The following DPP6 variants were observed in gnomAD, a reference collection of about 807,000 sequenced individuals.
DPP6 encodes dipeptidyl peptidase like 6.
In DPP6, 69 loss-of-function variants were observed where a neutral mutation model predicts 122.6. The observed-to-expected ratio is 0.56, with a 90% CI of 0.46 to 0.69. The LOEUF is 0.69. Among genes scored for constraint, DPP6 ranks in the 30% least tolerant of loss-of-function variants. DPP6 has a pLI of 0.00. For missense variants in DPP6, 928 were observed against 1,116.9 expected (o/e 0.83, Z 2.41); for synonymous variants, 418 against 433.1 (o/e 0.97, Z 0.43).
chr7:154,186,751 A>G (rs906636327), intron 1 of DPP6, among the ~76,000 whole-genome samples: 1 of 152,250 alleles, frequency 6.6e-6, no homozygotes, highest in African/African-American at 2.4e-5. Flanking sequence ...TAAATGGGTG[A>G]TATAATTACT....
chr7:154,768,931 G>A (rs1391546884), intron 8 of DPP6, among the ~76,000 whole-genome samples: 1 of 152,164 alleles, frequency 6.6e-6, no homozygotes, highest in African/African-American at 2.4e-5. Context: ...CTGTGTGTGC[G>A]TAAATCCCTG....
intron 1 of DPP6, among the ~76,000 whole-genome samples, chr7:153,927,207 GA>G (rs1800942375): frequency 6.6e-6 from 1 of 152,166 alleles, no homozygotes; most frequent in Admixed American, 6.5e-5. Context: ...TAACTACTCA[GA>G]AGGCTGAGGT....
the DPP6 span, among the ~76,000 whole-genome samples, chr7:153,787,954 T>C: frequency 6.6e-6 from 1 of 151,468 alleles, no homozygotes; most frequent in African/African-American, 2.4e-5. Context: ...AGGAGAAATA[T>C]ATTATTCACA....
intron 1 of DPP6, among the ~76,000 whole-genome samples, chr7:154,378,799 C>A (rs2151136876): frequency 6.6e-6 from 1 of 152,342 alleles, no homozygotes; most frequent in Non-Finnish European, 1.5e-5. Flanking sequence ...AACTTACAAT[C>A]AAGGCAGAAG....
chr7:154,161,010 G>A (rs1351423133), intron 1 of DPP6, among the ~76,000 whole-genome samples: 1 of 152,138 alleles, frequency 6.6e-6, no homozygotes, highest in African/African-American at 2.4e-5. Context: ...GCAGTGGCAG[G>A]TCTACTCAGG....
At chr7:154,247,728 G>T (rs950859598) in intron 1 of DPP6, among the ~76,000 whole-genome samples, 1 of 152,040 alleles carries the variant, frequency 6.6e-6, no homozygotes, top group East Asian at 1.9e-4. Context: ...TATAGTGCCC[G>T]ACTGCAGTCT....
At chr7:154,308,845 T>G (rs1806599261) in intron 1 of DPP6, among the ~76,000 whole-genome samples, 1 of 152,194 alleles carries the variant, frequency 6.6e-6, no homozygotes, top group Non-Finnish European at 1.5e-5. Flanking sequence ...AGACGAAAAA[T>G]TAATTCCCTC....
intron 5 of DPP6, among the ~76,000 whole-genome samples, chr7:154,584,496 G>T (rs969488376): frequency 1.3e-5 from 2 of 152,198 alleles, no homozygotes; most frequent in African/African-American, 4.8e-5. Flanking sequence ...ATAGAGCCTC[G>T]AGAAATATCC....
chr7:153,905,795 G>A (rs1372213352), intron 1 of DPP6, among the ~76,000 whole-genome samples: 1 of 152,194 alleles, frequency 6.6e-6, no homozygotes, highest in South Asian at 2.1e-4. Context: ...CTGGGAACAA[G>A]GAAGTCCGTG....
chr7:154,032,803 C>G (rs1334587243), intron 1 of DPP6, among the ~76,000 whole-genome samples: 1 of 151,590 alleles, frequency 6.6e-6, no homozygotes, highest in Non-Finnish European at 1.5e-5. Context: ...AATTTTAGGG[C>G]CTGAATCCCC....
intron 3 of DPP6, among the ~76,000 whole-genome samples, chr7:154,491,038 G>C (rs1824235993): frequency 6.6e-6 from 1 of 152,254 alleles, no homozygotes; most frequent in African/African-American, 2.4e-5. Context: ...GTCAGCGACT[G>C]AGAATGCCCC....
At chr7:154,479,533 G>A (rs1403949541) in intron 3 of DPP6, among the ~76,000 whole-genome samples, 67 of 145,000 alleles carry the variant, frequency 4.6e-4, no homozygotes, top group Non-Finnish European at 1.3e-4. Context: ...ACTCCAGCCT[G>A]GGTGACAGAG....
At chr7:154,405,774 A>T (rs1263068831) in intron 1 of DPP6, among the ~76,000 whole-genome samples, 1 of 152,028 alleles carries the variant, frequency 6.6e-6, no homozygotes, top group African/African-American at 2.4e-5. Context: ...GCTTCCCACA[A>T]CTCTGTTCAT....
At chr7:154,149,694 A>G (rs1302553763) in intron 1 of DPP6, among the ~76,000 whole-genome samples, 6 of 152,180 alleles carry the variant, frequency 3.9e-5, no homozygotes, top group Non-Finnish European at 7.3e-5. Context: ...AGAACTGGAA[A>G]ACAACAATTT....
At chr7:153,772,448 G>A in the DPP6 span, among the ~76,000 whole-genome samples, 14 of 151,916 alleles carry the variant, frequency 9.2e-5, no homozygotes, top group Non-Finnish European at 1.8e-4. Flanking sequence ...AAACCTTAGG[G>A]CAACCACCAA....
chr7:154,764,265 C>A (rs547837689), intron 8 of DPP6, among the ~76,000 whole-genome samples: 4 of 152,228 alleles, frequency 2.6e-5, no homozygotes, highest in African/African-American at 9.6e-5. Flanking sequence ...GGAGCTTCAT[C>A]TGATGTTATA....
At chr7:154,018,805 GA>G (rs1325004383) in intron 1 of DPP6, among the ~76,000 whole-genome samples, 1 of 152,180 alleles carries the variant, frequency 6.6e-6, no homozygotes, top group Non-Finnish European at 1.5e-5. Flanking sequence ...TCTTGCAGAA[GA>G]AGAGACCCAG....
chr7:153,772,333 C>T, the DPP6 span, among the ~76,000 whole-genome samples: 1 of 152,182 alleles, frequency 6.6e-6, no homozygotes, highest in Non-Finnish European at 1.5e-5. Context: ...ATCTGCCTGC[C>T]TTGGCCTTCC....
In DPP6 at chr7:154,438,760, G is replaced by A. The variant is rs552301605; in HGVS notation, c.244-7454G>A. Among the ~76,000 whole-genome samples, 5 of 152,188 alleles carry A rather than the reference G, an allele frequency of 3.3e-5. No individual in the cohort carries two copies. In the East Asian group the frequency reaches 9.7e-4, roughly 29 times the overall value. On this transcript the variant is annotated intron_variant, in intron 1 of 25. Coordinates refer to ENST00000377770, the MANE Select transcript of DPP6 (RefSeq NM_130797.4). ...GAATCTTTACACCATATGGCAGCAG[G>A]CACTTAACTTCCCTCCCCACCTTCC...
Sources: allele counts gnomAD v4.1 joint callset (sites outside exome capture counted in the v4.1 genomes callset), GRCh38; gene constraint gnomAD v4.1.1; transcripts MANE v1.5; gene names NCBI Gene and HGNC (gene_info 2026-07-23, HGNC 2026-07-21).